The following DAAM2 variants were observed in gnomAD, a reference collection of about 807,000 sequenced individuals.
DAAM2 encodes disheveled-associated activator of morphogenesis 2.
A neutral mutation model predicts 120.7 loss-of-function variants in DAAM2; 39 were observed. The ratio of observed to expected loss-of-function variants is 0.32; its 90% CI spans 0.25 to 0.42. The LOEUF (loss-of-function observed/expected upper bound fraction) is 0.42. Ranked by LOEUF, DAAM2 falls within the 10% of genes least tolerant of loss-of-function variation. DAAM2 has a pLI of 1.00. For missense variants in DAAM2, 1,283 were observed against 1,401.7 expected (o/e 0.92, Z 1.35); for synonymous variants, 488 against 524.9 (o/e 0.93, Z 0.96).
chr6:39,867,042 G>A (rs1057105569), intron 5 of DAAM2, among the ~76,000 whole-genome samples: 1 of 152,042 alleles, frequency 6.6e-6, no homozygotes, highest in African/African-American at 2.4e-5. Flanking sequence ...ATGTTTTTTT[G>A]CTAACATTCA....
At chr6:39,875,243 C>G in intron 10 of DAAM2, 87 bp from the exon 11 acceptor site, 1 of 1,469,572 alleles carries the variant, frequency 6.8e-7, no homozygotes, top group African/African-American at 1.4e-5. Context: ...GCATGCCTCA[C>G]CAGCCAGACC....
chr6:39,895,805 G>C (rs1392314503), intron 19 of DAAM2, among the ~76,000 whole-genome samples: 1 of 152,178 alleles, frequency 6.6e-6, no homozygotes, highest in Non-Finnish European at 1.5e-5. Flanking sequence ...ATGAATTATT[G>C]AAGTTTTGGT....
intron 1 of DAAM2, among the ~76,000 whole-genome samples, chr6:39,829,409 G>A (rs572843792): frequency 6.6e-6 from 1 of 152,314 alleles, no homozygotes; most frequent in Admixed American, 6.5e-5. Context: ...GAGTGTGACT[G>A]TGGTGACCAT....
rs146879905 is a variant in DAAM2, at chr6:39,869,063, C to T, written c.873+130C>T. 863 of 692,282 alleles carry T rather than the reference C, an allele frequency of 1.2e-3. 8 individuals are homozygous for T. The African/African-American group carries it at 0.014, about 11-fold the overall frequency. 42.9% of individuals were successfully genotyped at this position (692,282 alleles called of 1,614,324 possible). ...GGGAGGGCTCCTGGGGAGTTGCCTA[C>T]ATAGGTAGCATCATGCACGGTGGAC... On this transcript the variant is annotated intron_variant, in intron 7 of 24. Coordinates refer to ENST00000274867, the MANE Select transcript of DAAM2 (RefSeq NM_001201427.2).
chr6:39,879,205 C>T lies in DAAM2; in HGVS notation c.1573C>T (p.Pro525Ser), dbSNP rs1249953560. Residue 525 changes from proline to serine, a missense_variant, in exon 14 of 25, where the codon CCT becomes TCT. Pro to Ser is a moderately conservative substitution (Grantham distance 74, BLOSUM62 -1). Around this residue, in one of 3 missense-constraint regions of DAAM2, gnomAD observed 748 missense variants for 768.6 expected, o/e 0.97. Coordinates refer to ENST00000274867, the MANE Select transcript of DAAM2 (RefSeq NM_001201427.2). ...AGGCCCTGTATCTTCCCCACCACCC[C>T]CTGGGGGCCCACTCACCTTGTCTTC... ...STGPVSSPPP[P>S]GGPLTLSSSM... is the part of the protein sequence containing the mutation. 3 of 1,549,866 alleles carry T rather than the reference C, an allele frequency of 1.9e-6. No individual in the cohort carries two copies. The Admixed American group carries it at 5.9e-5, about 31-fold the overall frequency.
At chr6:39,885,785 G>C (rs1467907011) in intron 15 of DAAM2, 1 of 152,314 alleles carries the variant, frequency 6.6e-6, no homozygotes, top group Non-Finnish European at 1.5e-5. Flanking sequence ...TTGTGGGGCA[G>C]GGGAGGTCCT....
Position 39,844,122 on chromosome 6 carries a change from C to T in DAAM2, c.-56-12125C>T, listed in dbSNP as rs1422366115. 2.6e-5 allele frequency among the ~76,000 whole-genome samples: 4 copies of T among 152,152 alleles called. No individual in the cohort carries two copies. The South Asian group carries it at 6.2e-4, about 24-fold the overall frequency. ...TAAATAATAGTTGTAAAATTTTGAG[C>T]CTAGCCTAGCTTTTAATAAATACTA... On this transcript the variant is annotated intron_variant, in intron 1 of 24. Coordinates refer to ENST00000274867, the MANE Select transcript of DAAM2 (RefSeq NM_001201427.2).
At chr6:39,860,419 G>A (rs551882479) in intron 2 of DAAM2, among the ~76,000 whole-genome samples, 2 of 152,232 alleles carry the variant, frequency 1.3e-5, no homozygotes, top group Non-Finnish European at 2.9e-5. Flanking sequence ...TGAGTGTGGG[G>A]GAGCCAGAGA....
Position 39,796,619 on chromosome 6 carries a change from C to CAA in DAAM2, c.-57+4175_-57+4176dup, listed in dbSNP as rs58885455. On this transcript the variant is annotated intron_variant, in intron 1 of 24. Coordinates refer to ENST00000274867, the MANE Select transcript of DAAM2 (RefSeq NM_001201427.2). ...TGGGTTTCTTTCTGGGGTCCCCCTC[C>CAA]AAAAAAAAAAAAAAAAAAAAAACCT... Among the ~76,000 whole-genome samples, 516 of 109,416 alleles carry CAA rather than the reference C, an allele frequency of 4.7e-3. 1 individual carries two copies. The highest frequency in any genetic ancestry group is 7.5e-3 in the African/African-American group (215 of 28,726). 71.8% of individuals were successfully genotyped at this position (109,416 alleles called of 152,430 possible).
chr6:39,837,535 C>T lies in DAAM2; in HGVS notation c.-56-18712C>T, dbSNP rs181129838. ...AAAATTAGCCAGGCATGGTGGCATG[C>T]GCCTGTAATCCCAGCTACTTGGGAG... On this transcript the variant is annotated intron_variant, in intron 1 of 24. Transcript: ENST00000274867. Among the ~76,000 whole-genome samples, 11 of 151,782 alleles carry T rather than the reference C, an allele frequency of 7.2e-5. No homozygotes were observed. The South Asian group carries it at 8.3e-4, about 12-fold the overall frequency.
chr6:39,860,161 C>G (rs1218390299), intron 2 of DAAM2, among the ~76,000 whole-genome samples: 1 of 152,170 alleles, frequency 6.6e-6, no homozygotes, highest in East Asian at 1.9e-4. Context: ...CAAATTCACC[C>G]TAAAATACCT....
At chr6:39,839,865 T>C (rs1763255211) in intron 1 of DAAM2, among the ~76,000 whole-genome samples, 1 of 152,138 alleles carries the variant, frequency 6.6e-6, no homozygotes, top group Non-Finnish European at 1.5e-5. Context: ...GGATAATCTA[T>C]AAAATAGAGA....
chr6:39,868,581 C>A (rs1023100828), intron 6 of DAAM2: 3 of 528,644 alleles, frequency 5.7e-6, no homozygotes, highest in South Asian at 2.5e-5. Flanking sequence ...CCATGTAGAC[C>A]AAGCCCCAAA....
intron 5 of DAAM2, among the ~76,000 whole-genome samples, chr6:39,865,686 G>T (rs1483952224): frequency 6.6e-6 from 1 of 152,228 alleles, no homozygotes; most frequent in Non-Finnish European, 1.5e-5. Context: ...AGTAACAGCT[G>T]GCGAATGCTG....
Position 39,891,372 on chromosome 6 carries a change from T to A in DAAM2, c.2177T>A (p.Ile726Asn). 1 of 1,610,972 alleles carries A rather than the reference T, an allele frequency of 6.2e-7. No homozygotes were observed. The highest frequency in any genetic ancestry group is 1.1e-5 in the South Asian group (1 of 90,184). ...AAGTTCATCCCAGAGAAGAGTGACATTGACCTCCTGGAGGAGCACAAGCAT... is the reference window on the plus strand; with the variant it reads ...AAGTTCATCCCAGAGAAGAGTGACAATGACCTCCTGGAGGAGCACAAGCAT... ...LLKFIPEKSD[I>N]DLLEEHKHEI... The change falls in exon 18 of 25, where the codon ATT becomes AAT. Residue 726 changes from isoleucine to asparagine, a missense_variant. By Grantham distance (149) the Ile-to-Asn change is moderately radical. This residue lies in a region of DAAM2 where 748 missense variants were observed against 768.6 expected (regional missense o/e 0.97). Transcript: ENST00000274867.
At chr6:39,803,664 T>G (rs116164189) in intron 1 of DAAM2, among the ~76,000 whole-genome samples, 2,323 of 152,292 alleles carry the variant, frequency 0.015, 42 homozygotes, top group African/African-American at 0.051. Context: ...TCATGCATAT[T>G]GGATCCCATG....
intron 1 of DAAM2, among the ~76,000 whole-genome samples, chr6:39,838,911 G>A (rs1021723374): frequency 2.0e-5 from 3 of 151,904 alleles, no homozygotes; most frequent in African/African-American, 7.3e-5. Flanking sequence ...CACCCACCTC[G>A]GCCTCCCAAA....
At chr6:39,892,795 G>T (rs943386516) in intron 19 of DAAM2, among the ~76,000 whole-genome samples, 2 of 152,084 alleles carry the variant, frequency 1.3e-5, no homozygotes. Flanking sequence ...GATGCTTCAG[G>T]GATAGTCTAT....
rs1764942684 is a variant in DAAM2, at chr6:39,878,041, C to T, written c.1302-162C>T. On this transcript the variant is annotated intron_variant, in intron 11 of 24. Transcript: ENST00000274867. The surrounding 1 kb of genome is among the most constrained non-coding windows in gnomAD (Gnocchi z 5.0). ...CACATAATGTGAACGGGGCAGGGGA[C>T]CTGGAGAGACACCTGGGAAGTCTAA... Among the ~76,000 whole-genome samples the T allele has an allele frequency of 6.6e-6, 1 of 152,140 alleles. No individual in the cohort carries two copies. Among genetic ancestry groups the T allele is most frequent in the Admixed American group, 6.5e-5 (1 of 15,274 alleles).
Sources: allele counts gnomAD v4.1 joint callset (sites outside exome capture counted in the v4.1 genomes callset), GRCh38; gene constraint gnomAD v4.1.1; regional missense constraint gnomAD v4.1.1; non-coding constraint Gnocchi (gnomAD v3.1); transcripts MANE v1.5; gene names NCBI Gene and HGNC (gene_info 2026-07-23, HGNC 2026-07-21).